Variants in DOCK8 observed in about 807,000 individuals in gnomAD.
DOCK8 encodes dedicator of cytokinesis protein 8.
A neutral mutation model predicts 245.6 loss-of-function variants in DOCK8; 141 were observed. That is an observed-to-expected ratio of 0.57 (90% CI 0.50 to 0.66). The LOEUF is 0.66. Among genes scored for constraint, DOCK8 ranks in the 30% least tolerant of loss-of-function variants. DOCK8 has a pLI of 0.00. For synonymous variants in DOCK8, 1,168 were observed against 970.2 expected, an observed-to-expected ratio of 1.20 and a Z score of -3.79; for missense variants, 2,965 against 2,603.4, an observed-to-expected ratio of 1.14 and a Z score of -3.02.
chr9:406,229 C>A (rs1218018221), intron 27 of DOCK8, among the ~76,000 whole-genome samples: 1 of 152,046 alleles, frequency 6.6e-6, no homozygotes, highest in Non-Finnish European at 1.5e-5. Flanking sequence ...CACGGTGGCT[C>A]ACATTTGTAA....
chr9:359,745 G>C (rs1022509914), intron 14 of DOCK8, among the ~76,000 whole-genome samples: 2 of 137,672 alleles, frequency 1.5e-5, no homozygotes, highest in Admixed American at 7.9e-5. Context: ...CAGCATCTTT[G>C]TTCATGCAGT....
At chr9:261,505 G>T (rs538330209) in intron 1 of DOCK8, among the ~76,000 whole-genome samples, 1 of 152,292 alleles carries the variant, frequency 6.6e-6, no homozygotes, top group South Asian at 2.1e-4. Flanking sequence ...TTTGCAATTT[G>T]TTAAGATTTG....
intron 22 of DOCK8, among the ~76,000 whole-genome samples, chr9:383,700 CAA>C (rs1164310899): frequency 0.016 from 1,114 of 69,928 alleles, 17 homozygotes; most frequent in African/African-American, 0.053. Context: ...GACTCCGTCT[CAA>C]AAAAAAAAAA....
chr9:273,043 A>G (rs1458519197), intron 2 of DOCK8: 1 of 985,222 alleles, frequency 1.0e-6, no homozygotes, highest in Non-Finnish European at 1.2e-6. Flanking sequence ...GTTTCCGGTA[A>G]CCGCCATTTT....
chr9:429,453 G>A (rs1018004780), intron 35 of DOCK8, among the ~76,000 whole-genome samples: 2 of 152,130 alleles, frequency 1.3e-5, no homozygotes, highest in African/African-American at 4.8e-5. Context: ...CAGTGAATGC[G>A]ACCTGGCTCA....
chr9:365,676 G>C (rs534682803), intron 14 of DOCK8: 1 of 447,294 alleles, frequency 2.2e-6, no homozygotes, highest in South Asian at 1.6e-5. Context: ...GAAAAGCTAA[G>C]TAACTTGCCA....
At chr9:231,173 G>T (rs567540995) in intron 1 of DOCK8, among the ~76,000 whole-genome samples, 2,190 of 151,668 alleles carry the variant, frequency 0.014, 46 homozygotes, top group African/African-American at 0.049. Context: ...TTTCCCCATT[G>T]CTTGTTTTTG....
intron 44 of DOCK8, 45 bp from the exon 45 acceptor site, chr9:449,739 A>T: frequency 6.2e-7 from 1 of 1,611,858 alleles, no homozygotes; most frequent in Non-Finnish European, 8.5e-7. Context: ...TCCATAGCTT[A>T]TGAGACCAGA....
chr9:274,377 T>C (rs2048261138), intron 2 of DOCK8, among the ~76,000 whole-genome samples: 1 of 152,194 alleles, frequency 6.6e-6, no homozygotes, highest in Non-Finnish European at 1.5e-5. Context: ...GAATCTCTTT[T>C]CCCATCTCTT....
intron 2 of DOCK8, among the ~76,000 whole-genome samples, chr9:277,564 C>T (rs375463953): frequency 1.1e-4 from 17 of 150,088 alleles, no homozygotes; most frequent in Admixed American, 4.6e-4. Flanking sequence ...GGAGGGGAGG[C>T]GAGAGGACAA....
intron 14 of DOCK8, among the ~76,000 whole-genome samples, chr9:348,549 C>A (rs1021417330): frequency 6.6e-6 from 1 of 152,130 alleles, no homozygotes; most frequent in Admixed American, 6.5e-5. Flanking sequence ...CACCCTGTTT[C>A]TACATGAGTT....
At chr9:333,350 C>T (rs1361192407) in intron 10 of DOCK8, among the ~76,000 whole-genome samples, 5 of 152,186 alleles carry the variant, frequency 3.3e-5, no homozygotes, top group Non-Finnish European at 7.3e-5. Flanking sequence ...ACCTGTAATC[C>T]CAGCACTTTG....
At chr9:241,661 T>C (rs748201359) in intron 1 of DOCK8, among the ~76,000 whole-genome samples, 3 of 152,186 alleles carry the variant, frequency 2.0e-5, no homozygotes, top group Non-Finnish European at 4.4e-5. Flanking sequence ...ATCTTGGCTA[T>C]TGTGAAAATG....
At chr9:375,910 T>A (rs1400397411) in intron 18 of DOCK8, among the ~76,000 whole-genome samples, 1 of 152,122 alleles carries the variant, frequency 6.6e-6, no homozygotes, top group African/African-American at 2.4e-5. Context: ...GACGGGAGGA[T>A]CATTTGAGCC....
At chr9:276,883 A>C (rs1199111120) in intron 2 of DOCK8, 2 of 230,706 alleles carry the variant, frequency 8.7e-6, no homozygotes, top group East Asian at 2.8e-4. Context: ...ATCTTGGCTC[A>C]CTACAACCTC....
intron 10 of DOCK8, 150 bp from the exon 11 acceptor site, chr9:334,075 C>A: frequency 1.2e-6 from 1 of 828,742 alleles, no homozygotes; most frequent in Non-Finnish European, 1.9e-6. Context: ...TCTGCCTATT[C>A]ACTGTTTTTA....
At chr9:324,710 C>T (rs1466084004) in intron 7 of DOCK8, among the ~76,000 whole-genome samples, 1 of 152,126 alleles carries the variant, frequency 6.6e-6, no homozygotes, top group African/African-American at 2.4e-5. Context: ...CCATCAAAAC[C>T]CAGCCTTCTT....
chr9:290,913 C>T lies in DOCK8; in HGVS notation c.404+1332C>T, dbSNP rs182645976. 2.0e-3 allele frequency among the ~76,000 whole-genome samples: 307 copies of T among 152,300 alleles called. 2 individuals carry two copies. The highest frequency in any genetic ancestry group is 7.0e-3 in the African/African-American group (292 of 41,548). Reference sequence around the variant, plus strand: ...GGTTTTCTGGAGTAATGTCAATATGCACACATTTTCAGCAGCAGAAAAAGA... The same window carrying T: ...GGTTTTCTGGAGTAATGTCAATATGTACACATTTTCAGCAGCAGAAAAAGA... On this transcript the variant is annotated intron_variant, in intron 4 of 47. Coordinates refer to ENST00000432829, the MANE Select transcript of DOCK8 (RefSeq NM_203447.4).
chr9:218,998 C>T (rs1456471403), intron 1 of DOCK8, among the ~76,000 whole-genome samples: 1 of 152,174 alleles, frequency 6.6e-6, no homozygotes, highest in East Asian at 1.9e-4. Context: ...TAATTAAGGT[C>T]ACAGCTGAGA....
Sources: gnomAD v4.1 joint callset for allele counts (sites outside exome capture counted in the v4.1 genomes callset) on GRCh38, gnomAD v4.1.1 for gene constraint, MANE v1.5 for transcripts, NCBI Gene and HGNC (gene_info 2026-07-23, HGNC 2026-07-21) for gene names.